Variants in CROCC2 observed in about 807,000 individuals in gnomAD.
The protein encoded by CROCC2 is ciliary rootlet coiled-coil, rootletin family member 2.
CROCC2 carries 163 observed loss-of-function variants against 177.6 expected under a neutral mutation model. That is an observed-to-expected ratio of 0.92 (90% CI 0.81 to 1.05). The LOEUF (loss-of-function observed/expected upper bound fraction) is 1.05, where lower values mean the gene tolerates loss of function less well. Ranked by LOEUF, CROCC2 falls within the 50% of genes least tolerant of loss-of-function variation. The pLI is 0.00. For synonymous variants in CROCC2, 904 were observed against 787.3 expected, an observed-to-expected ratio of 1.15 and a Z score of -2.48; for missense variants, 1,929 against 1,797.8, an observed-to-expected ratio of 1.07 and a Z score of -1.32.
At chr2:240,986,265 C>A (rs543156075) in intron 28 of CROCC2, among the ~76,000 whole-genome samples, 108 of 152,302 alleles carry the variant, frequency 7.1e-4, no homozygotes, top group African/African-American at 2.6e-3. Context: ...AGAGTCCCCG[C>A]GGAAGCTGTG....
chr2:240,906,702 G>A (rs553569786), intron 1 of CROCC2, 111 bp downstream of exon 1: 16 of 397,930 alleles, frequency 4.0e-5, no homozygotes, highest in South Asian at 2.7e-4. Flanking sequence ...CCTGGCTCCC[G>A]GGGCACTTTC....
chr2:240,987,849 G>C (rs74806260), intron 28 of CROCC2, among the ~76,000 whole-genome samples: 1 of 152,216 alleles, frequency 6.6e-6, no homozygotes, highest in Admixed American at 6.5e-5. Flanking sequence ...CAGGGCCTGG[G>C]TTCCAGGCCT....
Position 240,955,947 on chromosome 2 carries a change from C to A in CROCC2, c.2918C>A (p.Ala973Glu), listed in dbSNP as rs2106473338. ...ACGCTAGAGCGGGTACAGCAGGAGG[C>A]ACAGAGCCAGCAGGAGCAAGCGCAG... is the stretch of plus-strand genomic sequence containing the variant. ...RRTLERVQQE[A>E]QSQQEQAQAT... is the part of the protein sequence containing the mutation. Residue 973 changes from alanine to glutamate, a missense_variant, in exon 19 of 32, where the codon GCA becomes GAA. Transcript: ENST00000690015. 1 of 1,534,632 alleles carries A rather than the reference C, an allele frequency of 6.5e-7. No homozygotes were observed. The highest frequency in any genetic ancestry group is 2.4e-5 in the East Asian group (1 of 40,910).
Position 240,963,000 on chromosome 2 carries a change from G to A in CROCC2, c.3088-556G>A, listed in dbSNP as rs149841881. On this transcript the variant is annotated intron_variant, in intron 20 of 31. Transcript: ENST00000690015. ...TCCTCCCACTGCCTCCCATGCCAAC[G>A]GGGGAAGGAAGGCCAAGGGAGTGGG... is the stretch of plus-strand genomic sequence containing the variant. 8.0e-3 allele frequency among the ~76,000 whole-genome samples: 1,222 copies of A among 152,320 alleles called. 7 individuals are homozygous for A. The highest frequency in any genetic ancestry group is 0.014 in the South Asian group (69 of 4,832).
At chr2:240,959,211 C>T in intron 19 of CROCC2, 90 bp from the exon 20 acceptor site, 1 of 1,408,488 alleles carries the variant, frequency 7.1e-7, no homozygotes, top group Non-Finnish European at 9.4e-7. Flanking sequence ...GCCACTGCAA[C>T]ACCTCTCTCT....
chr2:240,977,042 C>G (rs1386827211), intron 27 of CROCC2, among the ~76,000 whole-genome samples: 5 of 54,470 alleles, frequency 9.2e-5, no homozygotes, highest in Admixed American at 1.7e-4. Context: ...CAGGCTCATC[C>G]CTGCTCAAGC....
intron 27 of CROCC2, chr2:240,981,610 G>T (rs2059800749): frequency 6.6e-6 from 1 of 152,044 alleles, no homozygotes; most frequent in Non-Finnish European, 1.5e-5. Context: ...AGCCATATTT[G>T]CAGAAAACTT....
At position 240,960,725 on chromosome 2, in the gene CROCC2, T is replaced by G. The variant is rs1400341450; in HGVS notation, c.3087+1281T>G. ...GGCCGGGCCGGCCGGCAGGGGAGAG[T>G]GAGAAGAGGGGCTCAGCCCTCCCCA... On this transcript the variant is annotated intron_variant, in intron 20 of 31. Coordinates refer to ENST00000690015, the MANE Select transcript of CROCC2 (RefSeq NM_001351305.2). This position sits in a 1 kb window ranked among gnomAD's most constrained non-coding sequence, Gnocchi z 5.0. 1.1e-3 allele frequency among the ~76,000 whole-genome samples: 154 copies of G among 142,450 alleles called. No individual in the cohort carries two copies. The highest frequency in any genetic ancestry group is 3.8e-3 in the African/African-American group (145 of 38,408). The allele number at this position is 142,450 out of a possible 152,430, so 93.5% of individuals were successfully genotyped here. A position where few individuals can be genotyped will look rare whatever the true frequency, so the allele number is the denominator to read the frequency against.
intron 21 of CROCC2, 194 bp from the exon 22 acceptor site, chr2:240,964,272 T>C: frequency 1.6e-6 from 1 of 640,718 alleles, no homozygotes. Context: ...ACAGGGGCCA[T>C]GCGGCCGGCA....
At chr2:240,919,712 G>C (rs2059345248) in intron 2 of CROCC2, among the ~76,000 whole-genome samples, 1 of 151,854 alleles carries the variant, frequency 6.6e-6, no homozygotes, top group South Asian at 2.1e-4. Context: ...GCTGCCATTG[G>C]TTTGGGGCTC....
rs868321260 is a variant in CROCC2, at chr2:240,933,076, G to A, written c.1252-55G>A. ...GGAGTCGCAAGCCCTGGTGGGCCTC[G>A]GTGGGCAAAGCCTGCCTAGGCCAGA... is the stretch of plus-strand genomic sequence containing the variant. On this transcript the variant is annotated intron_variant, in intron 9 of 31. Coordinates refer to ENST00000690015, the MANE Select transcript of CROCC2 (RefSeq NM_001351305.2). 32 of 1,544,554 alleles carry A rather than the reference G, an allele frequency of 2.1e-5. No individual in the cohort carries two copies. In the Middle Eastern group the frequency reaches 8.8e-4, roughly 42 times the overall value.
intron 27 of CROCC2, among the ~76,000 whole-genome samples, chr2:240,974,450 T>G (rs893956922): frequency 4.6e-5 from 7 of 151,242 alleles, no homozygotes; most frequent in African/African-American, 1.7e-4. Flanking sequence ...CAAGCGATCC[T>G]CCCACTTCAG....
At chr2:240,931,183 C>A in intron 7 of CROCC2, 55 bp downstream of exon 7, 1 of 661,016 alleles carries the variant, frequency 1.5e-6, no homozygotes, top group Admixed American at 2.3e-5. Context: ...GGTCGGGGCC[C>A]ATCCAGCGTG....
intron 18 of CROCC2, chr2:240,954,759 G>GTT (rs2059579961): frequency 6.6e-6 from 1 of 152,150 alleles, no homozygotes; most frequent in South Asian, 2.1e-4. Context: ...CTCTAATAAC[G>GTT]GGTCTTTCAG....
chr2:240,946,202 A>G lies in CROCC2; in HGVS notation c.2312A>G (p.Glu771Gly). The change falls in exon 15 of 32, where the codon GAG becomes GGG. Residue 771 changes from glutamate (E) to glycine (G), a missense_variant. Transcript: ENST00000690015. Reference protein sequence around the residue: ...EERAQLLAKQEALERQGRLAA... With the variant: ...EERAQLLAKQGALERQGRLAA... The stretch of plus-strand genomic sequence containing the variant: ...CGGGCCCAGCTGCTGGCCAAGCAGG[A>G]GGCCTTGGAGAGGCAGGGCCGGCTC... The G allele has an allele frequency of 1.9e-6, 3 of 1,546,090 alleles. No homozygotes were observed. Among genetic ancestry groups the G allele is most frequent in the Non-Finnish European group, 2.6e-6 (3 of 1,143,246 alleles).
intron 14 of CROCC2, among the ~76,000 whole-genome samples, chr2:240,938,594 C>T (rs1315810285): frequency 2.0e-5 from 3 of 152,108 alleles, no homozygotes; most frequent in Non-Finnish European, 4.4e-5. Context: ...TTTCTTCTTC[C>T]CTCCCCTGCA....
intron 30 of CROCC2, 42 bp downstream of exon 30, chr2:240,989,875 G>A: frequency 6.7e-7 from 1 of 1,495,290 alleles, no homozygotes; most frequent in Non-Finnish European, 9.0e-7. Flanking sequence ...GGAAGAGGCA[G>A]GGACAGAGGA....
In CROCC2 at chr2:240,918,500, G is replaced by T. The variant is rs775428935; in HGVS notation, c.79-226G>T. ...TACCTGCTCCTGCTGACCTCGGCTG[G>T]GTGTGGTCCTCCTCTCCAGAACCTG... On this transcript the variant is annotated intron_variant, in intron 1 of 31. Coordinates refer to ENST00000690015, the MANE Select transcript of CROCC2 (RefSeq NM_001351305.2). The surrounding 1 kb of genome is among the most constrained non-coding windows in gnomAD (Gnocchi z 6.3). 1.6e-4 allele frequency among the ~76,000 whole-genome samples: 24 copies of T among 152,274 alleles called. No homozygotes were observed. Among genetic ancestry groups the T allele is most frequent in the Non-Finnish European group, 1.2e-4 (8 of 68,016 alleles).
chr2:240,985,801 AC>A (rs2059837402), intron 28 of CROCC2: 1 of 369,786 alleles, frequency 2.7e-6, no homozygotes, highest in African/African-American at 2.2e-5. Context: ...CACCCACTCC[AC>A]ACACACCCAG....
Sources: allele counts gnomAD v4.1 joint callset (sites outside exome capture counted in the v4.1 genomes callset), GRCh38; gene constraint gnomAD v4.1.1; non-coding constraint Gnocchi (gnomAD v3.1); transcripts MANE v1.5; gene names NCBI Gene and HGNC (gene_info 2026-07-23, HGNC 2026-07-21).